The following ZNRF2 variants were observed in gnomAD, a reference collection of about 807,000 sequenced individuals.
ZNRF2 encodes the protein E3 ubiquitin-protein ligase ZNRF2.
In ZNRF2, 16 loss-of-function variants were observed where a neutral mutation model predicts 20.4. The ratio of observed to expected loss-of-function variants is 0.79; its 90% CI spans 0.53 to 1.19. ZNRF2 has a LOEUF of 1.19. Among genes scored for constraint, ZNRF2 ranks in the 50% most tolerant of loss-of-function variants. The pLI is 0.00. For missense variants in ZNRF2, 363 were observed against 332.4 expected (o/e 1.09, Z -0.72); for synonymous variants, 178 against 144.9 (o/e 1.23, Z -1.64).
intron 2 of ZNRF2, among the ~76,000 whole-genome samples, chr7:30,332,650 T>C (rs538866840): frequency 1.3e-5 from 2 of 152,344 alleles, no homozygotes; most frequent in South Asian, 4.1e-4. Context: ...TCTGCGTTAA[T>C]TTACTTAGTA....
At chr7:30,295,050 AGTGTGTGTGTGTGTGTGT>A (rs71536219) in intron 1 of ZNRF2, among the ~76,000 whole-genome samples, 6 of 38,282 alleles carry the variant, frequency 1.6e-4, no homozygotes, top group East Asian at 1.0e-3. Context: ...AGAGAGAGAG[AGTGTGTGTGTGTGTGTGT>A]GTGTGTGTGT....
At chr7:30,288,414 T>C (rs529244142) in intron 1 of ZNRF2, among the ~76,000 whole-genome samples, 2 of 152,352 alleles carry the variant, frequency 1.3e-5, no homozygotes, top group East Asian at 1.9e-4. Context: ...AATTATTCTC[T>C]TGTGAGCTCT....
intron 1 of ZNRF2, among the ~76,000 whole-genome samples, chr7:30,304,139 A>G (rs748991504): frequency 1.3e-5 from 2 of 152,176 alleles, no homozygotes; most frequent in African/African-American, 4.8e-5. Flanking sequence ...GCAAAAGCCA[A>G]CTGCTGCTGT....
chr7:30,329,434 A>G (rs183092863), intron 2 of ZNRF2, among the ~76,000 whole-genome samples: 1 of 152,070 alleles, frequency 6.6e-6, no homozygotes, highest in South Asian at 2.1e-4. Context: ...CCCTCTTTAT[A>G]TCCCCCTTCC....
chr7:30,341,660 T>C (rs1799797004), intron 2 of ZNRF2, among the ~76,000 whole-genome samples: 2 of 152,198 alleles, frequency 1.3e-5, no homozygotes, highest in South Asian at 2.1e-4. Context: ...AATTTTAGAA[T>C]AGATGCGATG....
At position 30,285,836 on chromosome 7, in the gene ZNRF2, C is replaced by T; in HGVS notation, c.469+10C>T. The T allele has an allele frequency of 1.3e-6, 2 of 1,491,556 alleles. No homozygotes were observed. The highest frequency in any genetic ancestry group is 8.9e-7 in the Non-Finnish European group (1 of 1,129,422). The allele number at this position is 1,491,556 out of a possible 1,614,324, so 92.4% of individuals were successfully genotyped here. ...CCGCACATGTTTGGAGGTACGGACC[C>T]CTCTCCGCGCACCCGCGCTCGGTCC... On this transcript the variant is annotated intron_variant, in intron 1 of 4. Transcript: ENST00000323037.
rs182323005 is a variant in ZNRF2 at position 30,286,504 on chromosome 7, C to T, written c.469+678C>T. ...GGAAGTAAAAATTTTGCACATCTGT[C>T]TTCAAGGTACAATAATTGGCTAGGT... On this transcript the variant is annotated intron_variant, in intron 1 of 4. Coordinates refer to ENST00000323037, the MANE Select transcript of ZNRF2 (RefSeq NM_147128.4). 5.3e-3 allele frequency among the ~76,000 whole-genome samples: 812 copies of T among 152,304 alleles called. 13 individuals are homozygous for T. Among genetic ancestry groups the T allele is most frequent in the Middle Eastern group, 6.8e-3 (2 of 294 alleles).
chr7:30,335,242 C>A (rs113489861), intron 2 of ZNRF2, among the ~76,000 whole-genome samples: 1,545 of 152,164 alleles, frequency 0.01, 31 homozygotes, highest in African/African-American at 0.036. Context: ...TTCCTTCTGT[C>A]ACTTTCATAA....
intron 1 of ZNRF2, among the ~76,000 whole-genome samples, chr7:30,320,806 C>T (rs908049513): frequency 3.3e-5 from 5 of 152,024 alleles, no homozygotes; most frequent in African/African-American, 9.7e-5. Context: ...ATTTTAAATT[C>T]ATTATTTGTC....
intron 2 of ZNRF2, among the ~76,000 whole-genome samples, chr7:30,337,477 G>A (rs1350867224): frequency 6.6e-6 from 1 of 152,140 alleles, no homozygotes; most frequent in East Asian, 1.9e-4. Flanking sequence ...AGAGGGCCAG[G>A]TGACATCTCC....
At chr7:30,360,733 C>T (rs1291717856) in intron 3 of ZNRF2, among the ~76,000 whole-genome samples, 1 of 152,048 alleles carries the variant, frequency 6.6e-6, no homozygotes, top group African/African-American at 2.4e-5. Context: ...AAGAGACTTA[C>T]TAACAATTGC....
rs13307962 is a variant in ZNRF2, at chr7:30,296,708, G to A, written c.469+10882G>A. On this transcript the variant is annotated intron_variant, in intron 1 of 4. Transcript: ENST00000323037. ...TGTCCACTCTTCCTACCACCTTACC[G>A]TACGCAGAGTTCTTTGGAGGATTGC... 5.1e-4 allele frequency among the ~76,000 whole-genome samples: 77 copies of A among 152,190 alleles called. No homozygotes were observed. In the East Asian group the frequency reaches 0.011, roughly 22 times the overall value.
intron 1 of ZNRF2, among the ~76,000 whole-genome samples, chr7:30,320,038 G>A (rs879919408): frequency 1.3e-5 from 2 of 151,968 alleles, no homozygotes; most frequent in Non-Finnish European, 2.9e-5. Context: ...CTGTGTGTCC[G>A]TGAGTTTATA....
chr7:30,289,513 G>A (rs1481416687), intron 1 of ZNRF2, among the ~76,000 whole-genome samples: 2 of 152,152 alleles, frequency 1.3e-5, no homozygotes, highest in Non-Finnish European at 2.9e-5. Flanking sequence ...ATGGGGAGTG[G>A]CCGAAGAGGA....
intron 2 of ZNRF2, among the ~76,000 whole-genome samples, chr7:30,353,002 A>T (rs1799982393): frequency 6.6e-6 from 1 of 152,118 alleles, no homozygotes; most frequent in Non-Finnish European, 1.5e-5. Flanking sequence ...GGGGTGAGAG[A>T]GGGGACTACT....
intron 2 of ZNRF2, among the ~76,000 whole-genome samples, chr7:30,348,777 T>A (rs747885220): frequency 8.5e-5 from 13 of 152,206 alleles, no homozygotes; most frequent in Non-Finnish European, 1.6e-4. Context: ...TCTTTTTTCT[T>A]ATAAAATAGT....
At position 30,285,379 on chromosome 7, in the gene ZNRF2, C is replaced by G. The variant is rs761956095; in HGVS notation, c.22C>G (p.Pro8Ala). 10 of 1,230,740 alleles carry G rather than the reference C, an allele frequency of 8.1e-6. No individual in the cohort carries two copies. The South Asian group carries it at 1.1e-4, about 14-fold the overall frequency. The allele number at this position is 1,230,740 out of a possible 1,614,324, so 76.2% of individuals were successfully genotyped here. The change falls in exon 1 of 5, where the codon CCG (proline) becomes GCG (alanine). Residue 8 changes from proline (P) to alanine (A), a missense_variant. By Grantham distance (27) the Pro-to-Ala change is conservative. Coordinates refer to ENST00000323037, the MANE Select transcript of ZNRF2 (RefSeq NM_147128.4). ...GGACATGGGCGCCAAACAGAGCGGC[C>G]CGGCCGCCGCTAACGGCCGCACGCG... MGAKQSG[P>A]AAANGRTRAY...
Position 30,318,476 on chromosome 7 carries a change from C to T in ZNRF2, c.470-5166C>T, listed in dbSNP as rs188655096. 4.8e-3 allele frequency among the ~76,000 whole-genome samples: 724 copies of T among 152,304 alleles called. 2 individuals are homozygous for T. The highest frequency in any genetic ancestry group is 7.7e-3 in the Non-Finnish European group (527 of 68,026). ...AATCTCATAATAGGGCCTTCATCTT[C>T]TGTCATGCCTAACAGATCTGACTTG... On this transcript the variant is annotated intron_variant, in intron 1 of 4. Transcript: ENST00000323037.
At chr7:30,341,955 A>T (rs568761874) in intron 2 of ZNRF2, among the ~76,000 whole-genome samples, 2 of 151,818 alleles carry the variant, frequency 1.3e-5, no homozygotes, top group Admixed American at 1.3e-4. Flanking sequence ...TGTTGCATCA[A>T]TCCGCTTACC....
Sources: gnomAD v4.1 joint callset for allele counts (sites outside exome capture counted in the v4.1 genomes callset) on GRCh38, gnomAD v4.1.1 for gene constraint, MANE v1.5 for transcripts, NCBI Gene and HGNC (gene_info 2026-07-23, HGNC 2026-07-21) for gene names.